TBC1D9: variants seen among roughly 807,000 people sequenced by gnomAD.
The protein encoded by TBC1D9 is TBC1 domain family member 9A.
In TBC1D9, 63 loss-of-function variants were observed where a neutral mutation model predicts 132.0. The ratio of observed to expected loss-of-function variants is 0.48; its 90% CI spans 0.39 to 0.59. The LOEUF (loss-of-function observed/expected upper bound fraction) is 0.59. Ranked by LOEUF, TBC1D9 falls within the 20% of genes least tolerant of loss-of-function variation. The probability of loss-of-function intolerance (pLI) is 0.00; values close to 1 mark genes in which losing one functional copy is unlikely to be tolerated. For missense variants in TBC1D9, 1,261 were observed against 1,592.7 expected (o/e 0.79, Z 3.54); for synonymous variants, 610 against 609.9 (o/e 1.00, Z 0.00).
intron 1 of TBC1D9, among the ~76,000 whole-genome samples, chr4:140,705,057 T>C (rs747507058): frequency 6.6e-6 from 1 of 152,238 alleles, no homozygotes; most frequent in African/African-American, 2.4e-5. Context: ...GAAAATTCCC[T>C]GAACATTTAA....
chr4:140,677,457 G>A (rs537096146), intron 5 of TBC1D9, among the ~76,000 whole-genome samples: 107 of 152,190 alleles, frequency 7.0e-4, no homozygotes, highest in Non-Finnish European at 1.3e-3. Flanking sequence ...TTTAGGGGGG[G>A]CCTTATCTTT....
At chr4:140,683,155 G>A (rs1737731051) in intron 3 of TBC1D9, among the ~76,000 whole-genome samples, 1 of 152,112 alleles carries the variant, frequency 6.6e-6, no homozygotes, top group Non-Finnish European at 1.5e-5. Context: ...TGGGATTACA[G>A]GTGTGAGCCA....
chr4:140,642,780 T>G (rs943722396), intron 13 of TBC1D9: 1 of 638,708 alleles, frequency 1.6e-6, no homozygotes, highest in Non-Finnish European at 2.8e-6. Flanking sequence ...AGAGATTTGC[T>G]GCTCAGCTTT....
intron 1 of TBC1D9, among the ~76,000 whole-genome samples, chr4:140,731,345 T>C (rs1738586610): frequency 6.6e-6 from 1 of 152,126 alleles, no homozygotes; most frequent in Non-Finnish European, 1.5e-5. Context: ...CACTAATTAT[T>C]ATGTGGAGTC....
At chr4:140,702,492 C>T (rs1483059017) in intron 1 of TBC1D9, among the ~76,000 whole-genome samples, 1 of 152,196 alleles carries the variant, frequency 6.6e-6, no homozygotes, top group Non-Finnish European at 1.5e-5. Context: ...GTGAAGTCTG[C>T]CCAGATGACC....
Position 140,628,305 on chromosome 4 carries a change from A to G in TBC1D9, c.2807T>C (p.Leu936Ser). Reference protein sequence around the residue: ...KLKLLYKMHVLPEPSSDQDEP... With the variant: ...KLKLLYKMHVSPEPSSDQDEP... ...GCTCCATGTAGCTCACTCACCAGGC[A>G]AGACGTGCATTTTGTACAGGAGTTT... Residue 936 changes from leucine (L) to serine (S), a missense_variant, in exon 17 of 21, where the codon TTG becomes TCG. This residue lies in a region of TBC1D9 where 618 missense variants were observed against 724.4 expected (regional missense o/e 0.85). Transcript: ENST00000442267. The G allele has an allele frequency of 6.2e-7, 1 of 1,613,916 alleles. No homozygotes were observed. Among genetic ancestry groups the G allele is most frequent in the Non-Finnish European group, 8.5e-7 (1 of 1,179,788 alleles).
chr4:140,645,120 C>T lies in TBC1D9; in HGVS notation c.2338-5692G>A, dbSNP rs1039873822. ...GTTGGGGTTCAGGCCTTTAGGAGCACAGCTGGTAGGGTGCACGTGGGCCAG... is the reference window on the plus strand; with the variant it reads ...GTTGGGGTTCAGGCCTTTAGGAGCATAGCTGGTAGGGTGCACGTGGGCCAG... On this transcript the variant is annotated intron_variant, in intron 13 of 20. Coordinates refer to ENST00000442267, the MANE Select transcript of TBC1D9 (RefSeq NM_015130.3). The T allele has an allele frequency of 6.1e-5, 34 of 557,824 alleles. No individual in the cohort carries two copies. The Admixed American group carries it at 7.4e-4, about 12-fold the overall frequency. The allele number at this position is 557,824 out of a possible 1,614,324, so 34.6% of individuals were successfully genotyped here. A position where few individuals can be genotyped will look rare whatever the true frequency, so the allele number is the denominator to read the frequency against.
chr4:140,622,750 G>A lies in TBC1D9; in HGVS notation c.3246C>T (p.Gly1082=), dbSNP rs1560862882. 3 of 1,606,520 alleles carry A rather than the reference G, an allele frequency of 1.9e-6. No individual in the cohort carries two copies. Among genetic ancestry groups the A allele is most frequent in the Non-Finnish European group, 2.5e-6 (3 of 1,179,760 alleles). ...AQPAKEGGSG[G]SGPSCHQGIP... ...TGCCCTGGTGGCAGGACGGCCCACT[G>A]CCTCCGCTCCCGCCCTCCTTTGCAG... The change falls in exon 21 of 21, where the codon GGC becomes GGT. Residue 1082 remains glycine (G), a synonymous_variant. Transcript: ENST00000442267.
intron 1 of TBC1D9, chr4:140,712,364 C>T (rs1336410586): frequency 6.9e-6 from 1 of 144,946 alleles, no homozygotes; most frequent in African/African-American, 2.6e-5. Flanking sequence ...TATCTCAAGT[C>T]AGGAAGTTTA....
intron 15 of TBC1D9, among the ~76,000 whole-genome samples, chr4:140,636,172 T>A (rs1736876650): frequency 6.6e-6 from 1 of 152,150 alleles, no homozygotes; most frequent in Admixed American, 6.5e-5. Flanking sequence ...ATTTGGGGAC[T>A]ATGGGCCCAG....
chr4:140,681,848 C>T (rs1737706872), intron 3 of TBC1D9, among the ~76,000 whole-genome samples: 1 of 152,154 alleles, frequency 6.6e-6, no homozygotes, highest in Non-Finnish European at 1.5e-5. Context: ...GCATAAATAC[C>T]ACCTTCCCTG....
intron 13 of TBC1D9, chr4:140,643,607 C>T (rs544963674): frequency 1.5e-5 from 14 of 938,350 alleles, no homozygotes; most frequent in South Asian, 8.1e-5. Context: ...CTTCCTCCGG[C>T]GCTGCCTCTG....
In TBC1D9 at chr4:140,628,200, G is replaced by A. The variant is rs907386231; in HGVS notation, c.2812+100C>T. The A allele has an allele frequency of 2.4e-5, 22 of 924,390 alleles. No homozygotes were observed. The Admixed American group carries it at 4.0e-4, about 17-fold the overall frequency. The allele number at this position is 924,390 out of a possible 1,614,324, so 57.3% of individuals were successfully genotyped here. On this transcript the variant is annotated intron_variant, in intron 17 of 20. Transcript: ENST00000442267. Reference sequence around the variant, plus strand: ...AGTTCTTAGTGACTCATGAATGATGGTGTATATCAAAAAGAGGACGATCAG... The same window carrying A: ...AGTTCTTAGTGACTCATGAATGATGATGTATATCAAAAAGAGGACGATCAG...
At chr4:140,703,741 C>T (rs1738107996) in intron 1 of TBC1D9, among the ~76,000 whole-genome samples, 1 of 152,186 alleles carries the variant, frequency 6.6e-6, no homozygotes. Context: ...AAAACTTTTG[C>T]TCAATAGAAA....
intron 1 of TBC1D9, among the ~76,000 whole-genome samples, chr4:140,730,995 CT>C (rs1221306292): frequency 6.6e-6 from 1 of 152,174 alleles, no homozygotes; most frequent in African/African-American, 2.4e-5. Context: ...TTAAATGATG[CT>C]CGTCCTTTAC....
intron 1 of TBC1D9, among the ~76,000 whole-genome samples, chr4:140,752,387 G>C (rs2111087969): frequency 6.6e-6 from 1 of 151,908 alleles, no homozygotes. Flanking sequence ...CCAAAATATA[G>C]TGTTTAGGGA....
At chr4:140,680,495 T>C (rs567742998) in intron 3 of TBC1D9, among the ~76,000 whole-genome samples, 1 of 152,324 alleles carries the variant, frequency 6.6e-6, no homozygotes, top group East Asian at 1.9e-4. Flanking sequence ...GCCATTTCAC[T>C]GTTACCCAGT....
chr4:140,691,524 G>A (rs1326362065), intron 2 of TBC1D9, among the ~76,000 whole-genome samples: 2 of 152,138 alleles, frequency 1.3e-5, no homozygotes, highest in African/African-American at 2.4e-5. Flanking sequence ...GGAAGGGCTT[G>A]GCTGTTGATT....
At chr4:140,658,899 A>G (rs1484483377) in intron 11 of TBC1D9, among the ~76,000 whole-genome samples, 1 of 152,188 alleles carries the variant, frequency 6.6e-6, no homozygotes, top group African/African-American at 2.4e-5. Context: ...ACTTAAAAGC[A>G]TTCCTGTTGT....
Sources: gnomAD v4.1 joint callset for allele counts (sites outside exome capture counted in the v4.1 genomes callset) on GRCh38, gnomAD v4.1.1 for gene constraint, gnomAD v4.1.1 regional missense constraint, MANE v1.5 for transcripts, NCBI Gene and HGNC (gene_info 2026-07-23, HGNC 2026-07-21) for gene names.